Variants in PGAP2 observed in about 807,000 individuals in gnomAD.
PGAP2 encodes the protein post-GPI attachment to proteins 2.
A neutral mutation model predicts 33.2 loss-of-function variants in PGAP2; 21 were observed. The observed-to-expected ratio is 0.63, with a 90% CI of 0.45 to 0.91. The LOEUF (loss-of-function observed/expected upper bound fraction) is 0.91, where lower values mean the gene tolerates loss of function less well. Ranked by LOEUF, PGAP2 falls within the 40% of genes least tolerant of loss-of-function variation. The pLI is 0.00. For missense variants in PGAP2, 345 were observed against 424.0 expected (o/e 0.81, Z 1.64); for synonymous variants, 161 against 172.9 (o/e 0.93, Z 0.54).
chr11:3,825,024 G>GC lies in PGAP2; in HGVS notation c.714dup (p.Lys239GlnfsTer32). 6.2e-7 allele frequency: 1 copy of GC among 1,614,142 alleles called. No individual in the cohort carries two copies. The highest frequency in any genetic ancestry group is 8.5e-7 in the Non-Finnish European group (1 of 1,180,006). Reference sequence around the variant, plus strand: ...ATCAGACAGCCCATTCCCTAGGATCGCAAGTCCTACAGCTGGAAACAGCGG... The same window carrying GC: ...ATCAGACAGCCCATTCCCTAGGATCGCCAAGTCCTACAGCTGGAAACAGCGG... On this transcript the variant is annotated frameshift_variant, in exon 6 of 7. Coordinates refer to ENST00000278243, the MANE Select transcript of PGAP2 (RefSeq NM_014489.4). LOFTEE classifies it high-confidence loss of function.
At chr11:3,824,407 G>A (rs1487142355) in intron 5 of PGAP2, 31 bp downstream of exon 5, 5 of 1,614,028 alleles carry the variant, frequency 3.1e-6, no homozygotes, top group East Asian at 4.5e-5. Flanking sequence ...GGGCTCCAAG[G>A]CAGCCCAGAA....
chr11:3,824,335 A>G lies in PGAP2; in HGVS notation c.667A>G (p.Ile223Val). 6.2e-7 allele frequency: 1 copy of G among 1,614,198 alleles called. No individual in the cohort carries two copies. Among genetic ancestry groups the G allele is most frequent in the African/African-American group, 1.3e-5 (1 of 75,050 alleles). ...SSLGHMLLTCILWRLTKKHTV... is the reference protein window; with the variant it reads ...SSLGHMLLTCVLWRLTKKHTV... ...CCTCGGGCACATGCTCCTCACCTGC[A>G]TTCTCTGGCGGTTGACCAAGAAGCA... The change falls in exon 5 of 7, where the codon ATT becomes GTT. Residue 223 changes from isoleucine (I) to valine (V), a missense_variant. Ile to Val is a conservative substitution (Grantham distance 29). Coordinates refer to ENST00000278243, the MANE Select transcript of PGAP2 (RefSeq NM_014489.4).
intron 2 of PGAP2, 117 bp from the exon 3 acceptor site, chr11:3,817,236 T>C: frequency 1.3e-6 from 1 of 773,534 alleles, no homozygotes; most frequent in Non-Finnish European, 2.2e-6. Flanking sequence ...ATGCCTTTTC[T>C]ACCCTTTCTG....
intron 3 of PGAP2, among the ~76,000 whole-genome samples, chr11:3,822,147 G>A (rs1018391195): frequency 6.6e-6 from 1 of 150,806 alleles, no homozygotes; most frequent in East Asian, 2.0e-4. Flanking sequence ...GGCGGATCAC[G>A]AGGTCAGGAG....
intron 3 of PGAP2, among the ~76,000 whole-genome samples, chr11:3,819,656 G>T (rs1392328990): frequency 6.6e-6 from 1 of 151,928 alleles, no homozygotes; most frequent in Admixed American, 6.6e-5. Context: ...ATCAGAAAGG[G>T]CTTATCCTCC....
rs543736143 is a variant in PGAP2 at position 3,797,973 on chromosome 11, G to T, written c.130G>T (p.Glu44Ter). The T allele has an allele frequency of 6.5e-7, 1 of 1,546,878 alleles. No individual in the cohort carries two copies. The highest frequency in any genetic ancestry group is 8.7e-7 in the Non-Finnish European group (1 of 1,144,824). ...CGGGCCAATCAGAGGGACGGCCCCA[G>T]AATGGCATGGTAACTATTCGACCCT... Residue 44 changes from glutamate to a stop codon, truncating the protein, a stop_gained, in exon 1 of 7, where the codon GAA becomes TAA. Transcript: ENST00000300730. LOFTEE classifies it high-confidence loss of function.
At chr11:3,808,524 A>C (rs939866775), upstream of PGAP2, 4 of 1,406,352 alleles carry the variant, frequency 2.8e-6, no homozygotes, top group African/African-American at 5.9e-5. Flanking sequence ...TTTCCTCTCT[A>C]AGTTCCGCCC....
chr11:3,823,842 G>T (rs774478218), intron 3 of PGAP2, 41 bp from the exon 4 acceptor site: 2 of 1,596,916 alleles, frequency 1.3e-6, no homozygotes, highest in East Asian at 4.5e-5. Flanking sequence ...CATGGGCGGG[G>T]CTGGCAGAGG....
At chr11:3,805,131 A>G (rs1472707534), upstream of PGAP2, among the ~76,000 whole-genome samples, 1 of 152,246 alleles carries the variant, frequency 6.6e-6, no homozygotes. Flanking sequence ...ATACAAAAAA[A>G]GTTCAGGACG....
upstream of PGAP2, chr11:3,807,951 T>A: frequency 1.2e-6 from 1 of 825,442 alleles, no homozygotes; most frequent in Non-Finnish European, 1.6e-6. Flanking sequence ...CCTCTCATTG[T>A]GGGGAGACCC....
intron 1 of PGAP2, among the ~76,000 whole-genome samples, chr11:3,800,895 G>A (rs1297654593): frequency 1.3e-5 from 2 of 151,868 alleles, no homozygotes; most frequent in East Asian, 3.8e-4. Context: ...CACTTTTGGA[G>A]GCTGAAGCAG....
At chr11:3,822,319 G>A (rs889057509) in intron 3 of PGAP2, among the ~76,000 whole-genome samples, 15 of 152,192 alleles carry the variant, frequency 9.9e-5, no homozygotes, top group Middle Eastern at 3.4e-3. Flanking sequence ...AGCCAAGATC[G>A]CGCCACTGCA....
At chr11:3,822,165 C>T (rs2088866868) in intron 3 of PGAP2, among the ~76,000 whole-genome samples, 1 of 151,140 alleles carries the variant, frequency 6.6e-6, no homozygotes, top group African/African-American at 2.4e-5. Flanking sequence ...GAGATTGAGA[C>T]CATCCTGGCT....
chr11:3,814,785 T>C (rs867437682), intron 2 of PGAP2, among the ~76,000 whole-genome samples: 1 of 109,082 alleles, frequency 9.2e-6, no homozygotes, highest in East Asian at 2.8e-4. Context: ...TCTTTCTTTC[T>C]TTCTTTCTTT....
intron 1 of PGAP2, among the ~76,000 whole-genome samples, chr11:3,803,001 T>C (rs2083704969): frequency 6.7e-6 from 1 of 148,326 alleles, no homozygotes; most frequent in Non-Finnish European, 1.5e-5. Flanking sequence ...TAATTTTTTT[T>C]TTTTCTTTTG....
chr11:3,823,035 T>C (rs751525620), intron 3 of PGAP2: 25 of 436,972 alleles, frequency 5.7e-5, no homozygotes, highest in African/African-American at 4.2e-4. Context: ...TTTTTTTTTT[T>C]TTTTTTTTTT....
chr11:3,797,730 C>G, upstream of PGAP2: 2 of 1,249,186 alleles, frequency 1.6e-6, no homozygotes, highest in East Asian at 2.8e-5. Flanking sequence ...AGAAGGAGTT[C>G]GGGGAGGCAC....
intron 5 of PGAP2, 109 bp from the exon 6 acceptor site, chr11:3,824,911 G>C: frequency 6.5e-7 from 1 of 1,534,116 alleles, no homozygotes; most frequent in Non-Finnish European, 8.7e-7. Context: ...ATGACCGCTA[G>C]TGGGAGCCAA....
In PGAP2 at chr11:3,824,109, C is replaced by G; in HGVS notation, c.575C>G (p.Thr192Ser). The G allele has an allele frequency of 6.2e-7, 1 of 1,614,192 alleles. No homozygotes were observed. Among genetic ancestry groups the G allele is most frequent in the Admixed American group, 1.7e-5 (1 of 60,020 alleles). The change falls in exon 4 of 7, where the codon ACT becomes AGT. Residue 192 changes from threonine (T) to serine (S), a missense_variant. Coordinates refer to ENST00000278243, the MANE Select transcript of PGAP2 (RefSeq NM_014489.4). ...VVENLALLVLTYVSSSEDFTI... is the reference protein window; with the variant it reads ...VVENLALLVLSYVSSSEDFTI... The stretch of plus-strand genomic sequence containing the variant: ...GAGAACCTCGCGTTGCTAGTGCTCA[C>G]TTATGTCTCCTCCTCCGAGGACTTC...
Sources: allele counts gnomAD v4.1 joint callset (sites outside exome capture counted in the v4.1 genomes callset), GRCh38; gene constraint gnomAD v4.1.1; transcripts MANE v1.5; gene names NCBI Gene and HGNC (gene_info 2026-07-23, HGNC 2026-07-21).